The following EML6 variants were observed in gnomAD, a reference collection of about 807,000 sequenced individuals.
EML6 encodes the protein echinoderm microtubule-associated protein-like 6.
In EML6, 154 loss-of-function variants were observed where a neutral mutation model predicts 240.1. The ratio of observed to expected loss-of-function variants is 0.64; its 90% CI spans 0.56 to 0.73. The LOEUF (loss-of-function observed/expected upper bound fraction) is 0.73, where lower values mean the gene tolerates loss of function less well. Among genes scored for constraint, EML6 ranks in the 30% least tolerant of loss-of-function variants. The pLI is 0.00. For missense variants in EML6, 2,964 were observed against 2,474.6 expected, an observed-to-expected ratio of 1.20 and a Z score of -4.20; for synonymous variants, 1,148 against 899.0, an observed-to-expected ratio of 1.28 and a Z score of -4.95.
intron 11 of EML6, among the ~76,000 whole-genome samples, chr2:54,854,486 T>G (rs1337025888): frequency 6.6e-6 from 1 of 152,248 alleles, no homozygotes; most frequent in Admixed American, 6.5e-5. Flanking sequence ...TGACCTCTTC[T>G]TCCTTTGCAA....
intron 28 of EML6, among the ~76,000 whole-genome samples, chr2:54,936,975 T>G (rs1362638980): frequency 2.0e-5 from 3 of 151,404 alleles, no homozygotes; most frequent in Non-Finnish European, 4.4e-5. Flanking sequence ...TCTCTTTTTT[T>G]TTTTTTTTTT....
chr2:54,912,716 A>G (rs966280093), intron 25 of EML6, among the ~76,000 whole-genome samples: 2 of 152,134 alleles, frequency 1.3e-5, no homozygotes, highest in Non-Finnish European at 2.9e-5. Context: ...AGCTACATCC[A>G]TGTTGCTGCA....
chr2:54,850,462 A>G, intron 10 of EML6: 2 of 427,268 alleles, frequency 4.7e-6, no homozygotes, highest in African/African-American at 1.9e-5. Flanking sequence ...AACAAGGGAG[A>G]TCGTGAATGA....
intron 9 of EML6, among the ~76,000 whole-genome samples, chr2:54,848,718 A>G (rs1669909732): frequency 6.6e-6 from 1 of 152,188 alleles, no homozygotes; most frequent in Non-Finnish European, 1.5e-5. Flanking sequence ...GGGACCTGCT[A>G]GTTGTCATAA....
chr2:54,758,814 A>G (rs1410445500), intron 2 of EML6, among the ~76,000 whole-genome samples: 1 of 152,042 alleles, frequency 6.6e-6, no homozygotes, highest in Non-Finnish European at 1.5e-5. Context: ...TTGGTCTGAG[A>G]GCATTGTTTT....
chr2:54,857,406 A>AT (rs1180123758), intron 11 of EML6, among the ~76,000 whole-genome samples: 2 of 152,308 alleles, frequency 1.3e-5, no homozygotes, highest in East Asian at 3.9e-4. Context: ...GGAAAGCCTT[A>AT]TGAGAGACAG....
At chr2:54,888,360 T>C (rs1672269778) in intron 17 of EML6, among the ~76,000 whole-genome samples, 1 of 152,222 alleles carries the variant, frequency 6.6e-6, no homozygotes, top group Admixed American at 6.5e-5. Flanking sequence ...TCAGGTGATG[T>C]AACTTGCAAC....
chr2:54,966,109 A>ACAGAGAAGACAAGCACTAAACAGACAATC, intron 38 of EML6, among the ~76,000 whole-genome samples: 2 of 152,380 alleles, frequency 1.3e-5, no homozygotes, highest in African/African-American at 4.8e-5. Flanking sequence ...TTGCTCTATA[A>ACAGAGAAGACAAGCACTAAACAGACAATC]CAGAGAAGAC....
At chr2:54,797,380 C>G (rs932123784) in intron 2 of EML6, among the ~76,000 whole-genome samples, 3 of 151,954 alleles carry the variant, frequency 2.0e-5, no homozygotes, top group Non-Finnish European at 4.4e-5. Flanking sequence ...CTCTCTCAAA[C>G]CTAACCATGT....
intron 17 of EML6, among the ~76,000 whole-genome samples, chr2:54,886,153 T>TA (rs1213656136): frequency 3.5e-4 from 51 of 145,174 alleles, no homozygotes; most frequent in Admixed American, 2.0e-3. Flanking sequence ...TTTTTTTTTT[T>TA]AACCTTCTTT....
chr2:54,866,870 C>T lies in EML6; in HGVS notation c.2037C>T (p.Leu679=), dbSNP rs1160274335. Reference sequence around the variant, plus strand: ...AGGCTCCTGAGGACAGCTTGAAACTCCAGTTCATACACGGGTGGGTGGCCT... The same window carrying T: ...AGGCTCCTGAGGACAGCTTGAAACTTCAGTTCATACACGGGTGGGTGGCCT... ...REKAPEDSLK[L]QFIHGYRGYD... is the part of the protein sequence containing the mutation. Residue 679 remains leucine, a synonymous_variant, in exon 14 of 42, where the codon CTC becomes CTT. Coordinates refer to ENST00000356458, the MANE Select transcript of EML6 (RefSeq NM_001039753.4). The T allele has an allele frequency of 1.9e-6, 3 of 1,549,224 alleles. No individual in the cohort carries two copies. The highest frequency in any genetic ancestry group is 2.6e-6 in the Non-Finnish European group (3 of 1,144,844).
At chr2:54,879,684 G>A (rs144166396) in intron 17 of EML6, 44 bp downstream of exon 17, 4 of 1,106,844 alleles carry the variant, frequency 3.6e-6, no homozygotes, top group Non-Finnish European at 5.3e-6. Flanking sequence ...TGATACCACG[G>A]TTCAGTAAAG....
chr2:54,939,932 C>T (rs997885996), intron 28 of EML6, among the ~76,000 whole-genome samples: 5 of 152,292 alleles, frequency 3.3e-5, no homozygotes, highest in East Asian at 1.9e-4. Flanking sequence ...CACGAGGAGG[C>T]GGTGCCAGAA....
At chr2:54,968,010 T>C (rs1175879562) in intron 39 of EML6, 118 bp from the exon 40 acceptor site, 53 of 1,013,056 alleles carry the variant, frequency 5.2e-5, no homozygotes, top group Non-Finnish European at 7.4e-5. Flanking sequence ...GGCCTGGCTG[T>C]TGGGGACCCC....
At chr2:54,812,033 G>A (rs1482806420) in intron 2 of EML6, among the ~76,000 whole-genome samples, 1 of 152,126 alleles carries the variant, frequency 6.6e-6, no homozygotes, top group Non-Finnish European at 1.5e-5. Context: ...GTTTTTGGAA[G>A]CCATATTATA....
intron 2 of EML6, among the ~76,000 whole-genome samples, chr2:54,775,185 C>A (rs1668547488): frequency 6.6e-6 from 1 of 152,164 alleles, no homozygotes; most frequent in South Asian, 2.1e-4. Context: ...TTAAATCAAT[C>A]TTACCAATTC....
At chr2:54,935,600 C>T (rs1439684683) in intron 28 of EML6, among the ~76,000 whole-genome samples, 1 of 152,194 alleles carries the variant, frequency 6.6e-6, no homozygotes, top group African/African-American at 2.4e-5. Context: ...TTTATACCAC[C>T]ATCTGAGCGT....
chr2:54,752,892 G>A (rs1329584266), intron 2 of EML6, among the ~76,000 whole-genome samples: 2 of 152,128 alleles, frequency 1.3e-5, no homozygotes, highest in African/African-American at 4.8e-5. Flanking sequence ...AGGTTCAAGC[G>A]ATTCTCCTGC....
intron 32 of EML6, among the ~76,000 whole-genome samples, chr2:54,956,063 T>C (rs1206896016): frequency 6.6e-6 from 1 of 152,094 alleles, no homozygotes; most frequent in African/African-American, 2.4e-5. Context: ...GACCTAAAAA[T>C]GAGCTTATTA....
Sources: allele counts gnomAD v4.1 joint callset (sites outside exome capture counted in the v4.1 genomes callset), GRCh38; gene constraint gnomAD v4.1.1; transcripts MANE v1.5; gene names NCBI Gene and HGNC (gene_info 2026-07-23, HGNC 2026-07-21).